The following CHL1 variants were observed in gnomAD, a reference collection of about 807,000 sequenced individuals.
CHL1 encodes the protein cell adhesion molecule L1 like.
In CHL1, 96 loss-of-function variants were observed where a neutral mutation model predicts 141.9. That is an observed-to-expected ratio of 0.68 (90% CI 0.57 to 0.80). The LOEUF is 0.80. CHL1 is among the 30% of genes least tolerant of loss of function. CHL1 has a pLI of 0.00. For missense variants in CHL1, 1,820 were observed against 1,457.2 expected, an observed-to-expected ratio of 1.25 and a Z score of -4.05; for synonymous variants, 613 against 502.2, an observed-to-expected ratio of 1.22 and a Z score of -2.95.
chr3:269,529 CTA>C (rs1349585605), intron 2 of CHL1, among the ~76,000 whole-genome samples: 2 of 151,278 alleles, frequency 1.3e-5, no homozygotes, highest in Non-Finnish European at 3.0e-5. Flanking sequence ...CTCTCTCTCT[CTA>C]TATATATATA....
chr3:301,866 C>T (rs1412210695), intron 2 of CHL1, among the ~76,000 whole-genome samples: 1 of 152,214 alleles, frequency 6.6e-6, no homozygotes, highest in Admixed American at 6.5e-5. Flanking sequence ...CCATCACCTA[C>T]ATTAGCTATT....
chr3:405,588 A>G lies in CHL1; in HGVS notation c.3552A>G (p.Gly1184=). The change falls in exon 28 of 28, where the codon GGA becomes GGG. Residue 1184 remains glycine (G), a synonymous_variant. Coordinates refer to ENST00000256509, the MANE Select transcript of CHL1 (RefSeq NM_006614.4). ...TESADSLVEY[G]EGDHGLFSED... is the part of the protein sequence containing the mutation. The stretch of plus-strand genomic sequence containing the variant: ...GTGCTGACAGCTTAGTCGAATACGG[A>G]GAGGGAGACCATGGTCTCTTCAGTG... 1 of 1,613,422 alleles carries G rather than the reference A, an allele frequency of 6.2e-7. No individual in the cohort carries two copies. Among genetic ancestry groups the G allele is most frequent in the Non-Finnish European group, 8.5e-7 (1 of 1,179,470 alleles).
chr3:304,750 C>T (rs1419052596), intron 2 of CHL1, among the ~76,000 whole-genome samples: 4 of 152,130 alleles, frequency 2.6e-5, no homozygotes, highest in African/African-American at 4.8e-5. Context: ...TTCAGTTCTG[C>T]TCTGATCTTA....
intron 26 of CHL1, among the ~76,000 whole-genome samples, chr3:401,422 C>A (rs754232527): frequency 1.3e-5 from 2 of 152,120 alleles, no homozygotes. Flanking sequence ...ACAAGTAGAA[C>A]CCCCCAAAAT....
chr3:328,836 C>T (rs1178352879), intron 5 of CHL1, among the ~76,000 whole-genome samples: 1 of 151,994 alleles, frequency 6.6e-6, no homozygotes, highest in Non-Finnish European at 1.5e-5. Context: ...GAGTCTGGGA[C>T]GAAACATGAA....
rs1425981369 is a variant in CHL1 at position 382,216 on chromosome 3, A to G, written c.1914A>G (p.Glu638=). The part of the protein sequence containing the change: ...PDPPENLHLS[E]RQNRSVRLTW... ...CACCAGAAAACCTTCACTTGTCTGA[A>G]AGACAGAACAGGAGTGTTCGGCTGA... Residue 638 remains glutamate, a synonymous_variant, in exon 17 of 28, where the codon GAA becomes GAG. Transcript: ENST00000256509. 4 of 1,613,718 alleles carry G rather than the reference A, an allele frequency of 2.5e-6. No homozygotes were observed. Among genetic ancestry groups the G allele is most frequent in the Non-Finnish European group, 3.4e-6 (4 of 1,179,746 alleles).
chr3:344,563 T>C lies in CHL1; in HGVS notation c.728-26T>C, dbSNP rs1016730792. On this transcript the variant is annotated intron_variant, in intron 8 of 27. Coordinates refer to ENST00000256509, the MANE Select transcript of CHL1 (RefSeq NM_006614.4). The stretch of plus-strand genomic sequence containing the variant: ...TTTATGTATATTAATTTGAAAAAAT[T>C]CTGACTTTTCTTTTCTATTTTGTAG... The C allele has an allele frequency of 7.0e-6, 11 of 1,580,348 alleles. No individual in the cohort carries two copies. In the African/African-American group the frequency reaches 1.5e-4, roughly 22 times the overall value.
chr3:238,945 C>G (rs937527574), intron 1 of CHL1, among the ~76,000 whole-genome samples: 2 of 108,862 alleles, frequency 1.8e-5, no homozygotes, highest in South Asian at 2.9e-4. Context: ...AACAAACAAA[C>G]AAAACAAAAC....
intron 2 of CHL1, among the ~76,000 whole-genome samples, chr3:282,198 T>G (rs952603231): frequency 3.3e-5 from 5 of 152,194 alleles, no homozygotes; most frequent in African/African-American, 1.2e-4. Context: ...AGCATTTTAC[T>G]AAAATAATCT....
chr3:399,745 A>C (rs1404313027), intron 26 of CHL1, among the ~76,000 whole-genome samples: 1 of 152,236 alleles, frequency 6.6e-6, no homozygotes, highest in South Asian at 2.1e-4. Context: ...ACATATCACT[A>C]GGTCACATAT....
In CHL1 at chr3:362,412, C is replaced by A. The variant is rs867651498; in HGVS notation, c.1418+602C>A. On this transcript the variant is annotated intron_variant, in intron 13 of 27. Transcript: ENST00000256509. Reference sequence around the variant, plus strand: ...ATAAATTTATAGGGTCAGATATTGCCTTTATTTTAAATCATGATACGTATT... The same window carrying A: ...ATAAATTTATAGGGTCAGATATTGCATTTATTTTAAATCATGATACGTATT... 1.3e-4 allele frequency among the ~76,000 whole-genome samples: 20 copies of A among 152,166 alleles called. No individual in the cohort carries two copies. The South Asian group carries it at 1.7e-3, about 13-fold the overall frequency.
chr3:370,201 A>G (rs1232934884), intron 15 of CHL1, among the ~76,000 whole-genome samples: 2 of 152,204 alleles, frequency 1.3e-5, no homozygotes, highest in Non-Finnish European at 2.9e-5. Flanking sequence ...CTTCTGGTAG[A>G]ATTCGGCTGT....
intron 11 of CHL1, 58 bp from the exon 12 acceptor site, chr3:360,226 T>C: frequency 6.4e-7 from 1 of 1,566,374 alleles, no homozygotes; most frequent in Non-Finnish European, 8.8e-7. Flanking sequence ...TAATAAATGG[T>C]GTATAAATAT....
chr3:259,945 C>A (rs889558311), intron 2 of CHL1, among the ~76,000 whole-genome samples: 4 of 152,058 alleles, frequency 2.6e-5, no homozygotes. Context: ...GCACTAAACA[C>A]TGAAAATAAA....
intron 2 of CHL1, among the ~76,000 whole-genome samples, chr3:307,555 G>A (rs894039172): frequency 1.3e-5 from 2 of 152,194 alleles, no homozygotes; most frequent in Non-Finnish European, 2.9e-5. Context: ...CAATGAAATT[G>A]TGTTTAGGCT....
At chr3:253,326 A>G (rs1173413023) in intron 2 of CHL1, among the ~76,000 whole-genome samples, 1 of 152,160 alleles carries the variant, frequency 6.6e-6, no homozygotes, top group Non-Finnish European at 1.5e-5. Flanking sequence ...TAGGTTGTTT[A>G]GAGTTCTTCT....
intron 2 of CHL1, among the ~76,000 whole-genome samples, chr3:265,377 TATA>T (rs1456629107): frequency 6.6e-6 from 1 of 152,268 alleles, no homozygotes; most frequent in East Asian, 1.9e-4. Flanking sequence ...ATAACATTTC[TATA>T]ATATCACTCA....
At chr3:267,416 C>T (rs1695251953) in intron 2 of CHL1, among the ~76,000 whole-genome samples, 1 of 152,168 alleles carries the variant, frequency 6.6e-6, no homozygotes, top group African/African-American at 2.4e-5. Flanking sequence ...TATTCATTTT[C>T]CTCTATTTTA....
chr3:313,952 G>T (rs1559239333), intron 2 of CHL1, among the ~76,000 whole-genome samples: 1 of 152,026 alleles, frequency 6.6e-6, no homozygotes, highest in Non-Finnish European at 1.5e-5. Context: ...AAAAAGCAAT[G>T]AGTTACATTA....
Sources: allele counts gnomAD v4.1 joint callset (sites outside exome capture counted in the v4.1 genomes callset), GRCh38; gene constraint gnomAD v4.1.1; transcripts MANE v1.5; gene names NCBI Gene and HGNC (gene_info 2026-07-23, HGNC 2026-07-21).